Variants in AGAP1 observed in about 807,000 individuals in gnomAD.
AGAP1 encodes arf-GAP with GTPase, ANK repeat and PH domain-containing protein 1.
A neutral mutation model predicts 105.3 loss-of-function variants in AGAP1; 29 were observed. That is an observed-to-expected ratio of 0.28 (90% confidence interval 0.21 to 0.38). The LOEUF (loss-of-function observed/expected upper bound fraction) is 0.38, where lower values mean the gene tolerates loss of function less well. AGAP1 is among the 10% of genes least tolerant of loss of function. The probability of loss-of-function intolerance (pLI) is 1.00; values close to 1 mark genes in which losing one functional copy is unlikely to be tolerated. For synonymous variants in AGAP1, 509 were observed against 485.9 expected, an observed-to-expected ratio of 1.05 and a Z score of -0.63; for missense variants, 998 against 1,165.1, an observed-to-expected ratio of 0.86 and a Z score of 2.09.
chr2:236,118,041 C>T (rs2059813233), intron 16 of AGAP1, among the ~76,000 whole-genome samples: 1 of 152,120 alleles, frequency 6.6e-6, no homozygotes, highest in African/African-American at 2.4e-5. Context: ...CAAAACTAAT[C>T]CAGATTTACT....
chr2:235,903,766 G>A (rs1446834848), intron 10 of AGAP1, among the ~76,000 whole-genome samples: 2 of 152,020 alleles, frequency 1.3e-5, no homozygotes, highest in Non-Finnish European at 2.9e-5. Flanking sequence ...AGCCTAATAC[G>A]GTATTTTGAT....
rs73126461 is a variant in AGAP1 at position 235,822,147 on chromosome 2, A to G, written c.1050+14816A>G. 2.3e-3 allele frequency among the ~76,000 whole-genome samples: 347 copies of G among 152,348 alleles called. 1 individual carries two copies. Among genetic ancestry groups the G allele is most frequent in the African/African-American group, 8.0e-3 (331 of 41,588 alleles). ...TAGGGATGAATGTCTTCGGGGAGAT[A>G]CTTTGAGGCTGTGCTGATCATTTTT... On this transcript the variant is annotated intron_variant, in intron 9 of 17. Coordinates refer to ENST00000304032, the MANE Select transcript of AGAP1 (RefSeq NM_001037131.3).
At chr2:235,648,018 G>A (rs4257349) in intron 1 of AGAP1, among the ~76,000 whole-genome samples, 41,849 of 152,080 alleles carry the variant, frequency 0.28, 6,002 homozygotes, top group South Asian at 0.46. Flanking sequence ...GGCTTCTTGA[G>A]GACCTTCCAA....
Position 235,744,719 on chromosome 2 carries a change from G to T in AGAP1, c.418G>T (p.Val140Phe). 6.2e-7 allele frequency: 1 copy of T among 1,613,884 alleles called. No individual in the cohort carries two copies. The highest frequency in any genetic ancestry group is 8.5e-7 in the Non-Finnish European group (1 of 1,180,020). Residue 140 changes from valine to phenylalanine, a missense_variant, in exon 5 of 18, where the codon GTT (valine) becomes TTT (phenylalanine). By Grantham distance (50) the Val-to-Phe change is conservative (BLOSUM62 -1). This residue lies in a region of AGAP1 where 735 missense variants were observed against 833.4 expected (regional missense o/e 0.88). Transcript: ENST00000304032. This position sits in a 1 kb window ranked among gnomAD's most constrained non-coding sequence, Gnocchi z 5.2. ...EAQFAMWVDAVIFVFSLEDEI... is the reference protein window; with the variant it reads ...EAQFAMWVDAFIFVFSLEDEI... ...CTAGTTTGCCATGTGGGTGGACGCT[G>T]TTATATTTGTCTTCAGCTTGGAGGA...
intron 16 of AGAP1, among the ~76,000 whole-genome samples, chr2:236,079,624 A>T (rs2058731575): frequency 6.6e-6 from 1 of 152,026 alleles, no homozygotes; most frequent in Non-Finnish European, 1.5e-5. Flanking sequence ...ATAGTGATCC[A>T]TGCAAAATCT....
At chr2:235,775,738 T>C (rs1246209076) in intron 6 of AGAP1, 1 of 152,220 alleles carries the variant, frequency 6.6e-6, no homozygotes, top group African/African-American at 2.4e-5. Context: ...GAAGAGCCTT[T>C]ACTTTGTCTT....
At chr2:235,693,473 AG>A (rs1949842514) in intron 1 of AGAP1, among the ~76,000 whole-genome samples, 1 of 152,226 alleles carries the variant, frequency 6.6e-6, no homozygotes, top group Admixed American at 6.5e-5. Context: ...CTGCACTCCC[AG>A]CAGCCAGGTA....
At position 236,095,206 on chromosome 2, in the gene AGAP1, G is replaced by A. The variant is rs547441919; in HGVS notation, c.2115-24986G>A. Among the ~76,000 whole-genome samples, 1 of 152,146 alleles carries A rather than the reference G, an allele frequency of 6.6e-6. No homozygotes were observed. The highest frequency in any genetic ancestry group is 1.9e-4 in the East Asian group (1 of 5,172). On this transcript the variant is annotated intron_variant, in intron 16 of 17. Coordinates refer to ENST00000304032, the MANE Select transcript of AGAP1 (RefSeq NM_001037131.3). The surrounding 1 kb of genome is among the most constrained non-coding windows in gnomAD (Gnocchi z 4.1). ...GAGCTCAGGAGTTCGAGACCAGCCT[G>A]GGAACTGTGGTGAAACCCCGTCTCT...
chr2:235,528,491 G>A (rs1256701004), intron 1 of AGAP1, among the ~76,000 whole-genome samples: 1 of 152,046 alleles, frequency 6.6e-6, no homozygotes, highest in Non-Finnish European at 1.5e-5. Context: ...AGAAATGCAG[G>A]GAAAAGTCGA....
At chr2:235,921,377 A>G (rs1031451069) in intron 11 of AGAP1, among the ~76,000 whole-genome samples, 2 of 152,248 alleles carry the variant, frequency 1.3e-5, no homozygotes, top group Non-Finnish European at 1.5e-5. Context: ...ATGTTCAATA[A>G]AAAATTGATC....
At chr2:235,595,508 A>G (rs917932315) in intron 1 of AGAP1, among the ~76,000 whole-genome samples, 1 of 152,192 alleles carries the variant, frequency 6.6e-6, no homozygotes, top group African/African-American at 2.4e-5. Flanking sequence ...ACTTTCAATT[A>G]TGCTGTTACT....
intron 1 of AGAP1, among the ~76,000 whole-genome samples, chr2:235,707,260 G>A (rs754367002): frequency 1.3e-5 from 2 of 152,138 alleles, no homozygotes; most frequent in South Asian, 4.1e-4. Flanking sequence ...GGCCTCTGCC[G>A]GTCTGCTCTG....
intron 16 of AGAP1, among the ~76,000 whole-genome samples, chr2:236,059,312 A>G (rs2058126650): frequency 6.6e-6 from 1 of 152,212 alleles, no homozygotes; most frequent in African/African-American, 2.4e-5. Context: ...ACAAAGCATC[A>G]TCGAAAGAAA....
rs917033307 is a variant in AGAP1 at position 236,000,587 on chromosome 2, G to A, written c.1645+31964G>A. On this transcript the variant is annotated intron_variant, in intron 13 of 17. Transcript: ENST00000304032. The surrounding 1 kb of genome is among the most constrained non-coding windows in gnomAD (Gnocchi z 4.3). Reference sequence around the variant, plus strand: ...CACCTGCTCTGTGCAGAGGCTGGGCGAACACCAGCCCGAGCCTGACTTAAG... The same window carrying A: ...CACCTGCTCTGTGCAGAGGCTGGGCAAACACCAGCCCGAGCCTGACTTAAG... Among the ~76,000 whole-genome samples, 16 of 152,130 alleles carry A rather than the reference G, an allele frequency of 1.1e-4. No homozygotes were observed. The highest frequency in any genetic ancestry group is 3.4e-4 in the African/African-American group (14 of 41,442).
rs192561452 is a variant in AGAP1 at position 235,616,860 on chromosome 2, G to A, written c.164-92319G>A. 1.2e-4 allele frequency among the ~76,000 whole-genome samples: 18 copies of A among 152,258 alleles called. No individual in the cohort carries two copies. The East Asian group carries it at 3.1e-3, about 26-fold the overall frequency. ...AGGAAACGTACTTTTTTGTTGCTTCGCTGAAGTGAGGAGGGGTGTATCTTG... is the reference window on the plus strand; with the variant it reads ...AGGAAACGTACTTTTTTGTTGCTTCACTGAAGTGAGGAGGGGTGTATCTTG... On this transcript the variant is annotated intron_variant, in intron 1 of 17. Transcript: ENST00000304032.
chr2:235,560,365 C>T (rs1944107599), intron 1 of AGAP1, among the ~76,000 whole-genome samples: 1 of 152,018 alleles, frequency 6.6e-6, no homozygotes, highest in Non-Finnish European at 1.5e-5. Flanking sequence ...CCTCACCTCC[C>T]CATGCCTCCC....
intron 9 of AGAP1, among the ~76,000 whole-genome samples, chr2:235,857,964 G>A (rs901033737): frequency 3.3e-5 from 5 of 152,080 alleles, no homozygotes; most frequent in Admixed American, 6.5e-5. Context: ...GTGATCTTGG[G>A]GGATTTTCAT....
chr2:235,828,291 C>CT (rs1367686620), intron 9 of AGAP1, among the ~76,000 whole-genome samples: 1 of 152,116 alleles, frequency 6.6e-6, no homozygotes, highest in Admixed American at 6.5e-5. Flanking sequence ...TTGGGAATTT[C>CT]TTTTTTTGGT....
At position 235,891,425 on chromosome 2, in the gene AGAP1, T is replaced by C. The variant is rs2050533713; in HGVS notation, c.1155+7976T>C. Among the ~76,000 whole-genome samples, 1 of 152,162 alleles carries C rather than the reference T, an allele frequency of 6.6e-6. No homozygotes were observed. The highest frequency in any genetic ancestry group is 2.1e-4 in the South Asian group (1 of 4,814). Reference sequence around the variant, plus strand: ...CATGGTTTTCAGACACTTTGCTGGATCACAGTTCAGGTGGATCGAGGGCAG... The same window carrying C: ...CATGGTTTTCAGACACTTTGCTGGACCACAGTTCAGGTGGATCGAGGGCAG... On this transcript the variant is annotated intron_variant, in intron 10 of 17. Transcript: ENST00000304032. This position sits in a 1 kb window ranked among gnomAD's most constrained non-coding sequence, Gnocchi z 4.2.
Sources: allele counts gnomAD v4.1 joint callset (sites outside exome capture counted in the v4.1 genomes callset), GRCh38; gene constraint gnomAD v4.1.1; regional missense constraint gnomAD v4.1.1; non-coding constraint Gnocchi (gnomAD v3.1); transcripts MANE v1.5; gene names NCBI Gene and HGNC (gene_info 2026-07-23, HGNC 2026-07-21).